The following COBL variants were observed in gnomAD, a reference collection of about 807,000 sequenced individuals.
The protein encoded by COBL is cordon-bleu WH2 repeat protein, also known as protein cordon-bleu.
Under a neutral mutation model 98.8 loss-of-function variants are expected in COBL, and 51 were observed. The observed-to-expected ratio is 0.52, with a 90% CI of 0.41 to 0.65. The LOEUF (loss-of-function observed/expected upper bound fraction) is 0.65, where lower values mean the gene tolerates loss of function less well. Ranked by LOEUF, COBL falls within the 30% of genes least tolerant of loss-of-function variation. The probability of loss-of-function intolerance (pLI) is 0.00; values close to 1 mark genes in which losing one functional copy is unlikely to be tolerated. For missense variants in COBL, 1,617 were observed against 1,617.5 expected (o/e 1.00, Z 0.01); for synonymous variants, 634 against 651.7 (o/e 0.97, Z 0.41).
At chr7:51,172,951 G>A (rs1222269672) in intron 5 of COBL, among the ~76,000 whole-genome samples, 8 of 151,916 alleles carry the variant, frequency 5.3e-5, no homozygotes, top group Non-Finnish European at 1.0e-4. Context: ...ACCACACCCA[G>A]CTAATTTTTG....
intron 7 of COBL, among the ~76,000 whole-genome samples, chr7:51,059,832 T>C (rs889903127): frequency 2.0e-5 from 3 of 152,192 alleles, no homozygotes; most frequent in African/African-American, 7.2e-5. Flanking sequence ...CTAGTCCCAG[T>C]GGGATCTGAA....
At chr7:51,066,719 C>CT (rs367879927) in intron 7 of COBL, among the ~76,000 whole-genome samples, 191 of 152,272 alleles carry the variant, frequency 1.3e-3, no homozygotes, top group Non-Finnish European at 2.1e-3. Context: ...TCTATGAAGA[C>CT]TAAGACCCCC....
intron 1 of COBL, among the ~76,000 whole-genome samples, chr7:51,224,974 G>GCTGTGAGTGTGGGTGGA (rs1794041198): frequency 6.6e-6 from 1 of 152,202 alleles, no homozygotes; most frequent in African/African-American, 2.4e-5. Context: ...ATGTGGGCAG[G>GCTGTGAGTGTGGGTGGA]CTGTGAGTGT....
In COBL at chr7:51,016,645, C is replaced by A; in HGVS notation, c.*906G>T. 2 of 294,992 alleles carry A rather than the reference C, an allele frequency of 6.8e-6. No individual in the cohort carries two copies. The highest frequency in any genetic ancestry group is 4.3e-5 in the African/African-American group (2 of 46,752). The allele number at this position is 294,992 out of a possible 1,614,324, so 18.3% of individuals were successfully genotyped here. Reference sequence around the variant, plus strand: ...GTGATGCTCTCAGCGCAACTTTGATCTGAACTCTTGACAGGTGGGCATCCA... The same window carrying A: ...GTGATGCTCTCAGCGCAACTTTGATATGAACTCTTGACAGGTGGGCATCCA... On this transcript the variant is annotated 3_prime_UTR_variant, in exon 13 of 13. Transcript: ENST00000265136.
chr7:51,047,899 G>T (rs531509054), intron 7 of COBL, among the ~76,000 whole-genome samples: 1 of 152,278 alleles, frequency 6.6e-6, no homozygotes, highest in Admixed American at 6.5e-5. Context: ...AGGTGCAGTG[G>T]CTCACACCTG....
At chr7:51,026,711 A>G in intron 10 of COBL, 46 bp from the exon 11 acceptor site, 1 of 1,597,572 alleles carries the variant, frequency 6.3e-7, no homozygotes. Context: ...ACATGGAGAA[A>G]TGTGAACTGT....
chr7:51,179,779 A>T (rs113725077), intron 5 of COBL, among the ~76,000 whole-genome samples: 2,004 of 152,276 alleles, frequency 0.013, 44 homozygotes, highest in African/African-American at 0.045. Context: ...AAAAGAAAAA[A>T]TCCAGTAATC....
At position 51,075,665 on chromosome 7, in the gene COBL, T is replaced by A. The variant is rs75108791; in HGVS notation, c.1096+9501A>T. 5.6e-3 allele frequency among the ~76,000 whole-genome samples: 853 copies of A among 152,336 alleles called. 4 individuals carry two copies. Among genetic ancestry groups the A allele is most frequent in the Non-Finnish European group, 9.6e-3 (655 of 68,026 alleles). ...ATGAGCTGGCAAAGTGCTGTTCTGTTCCACTGAGTTGTCACTAAGTTCTTT... is the reference window on the plus strand; with the variant it reads ...ATGAGCTGGCAAAGTGCTGTTCTGTACCACTGAGTTGTCACTAAGTTCTTT... On this transcript the variant is annotated intron_variant, in intron 7 of 12. Coordinates refer to ENST00000265136, the MANE Select transcript of COBL (RefSeq NM_015198.5).
chr7:51,127,725 G>A (rs1407406944), intron 6 of COBL, among the ~76,000 whole-genome samples: 2 of 152,202 alleles, frequency 1.3e-5, no homozygotes, highest in Non-Finnish European at 2.9e-5. Flanking sequence ...AAGGCTGGGT[G>A]TGTGAAGGCT....
chr7:51,256,157 T>C (rs1412679935), intron 1 of COBL, among the ~76,000 whole-genome samples: 1 of 152,088 alleles, frequency 6.6e-6, no homozygotes, highest in Non-Finnish European at 1.5e-5. Context: ...GGCAGGAGTG[T>C]TTCCAGGCGG....
At chr7:51,171,463 C>G (rs565697900) in intron 5 of COBL, among the ~76,000 whole-genome samples, 8 of 152,252 alleles carry the variant, frequency 5.3e-5, no homozygotes, top group African/African-American at 1.9e-4. Flanking sequence ...TGGGGGCTTA[C>G]TTCAATAAAA....
At chr7:51,299,963 A>T (rs1473675786) in intron 1 of COBL, among the ~76,000 whole-genome samples, 1 of 152,088 alleles carries the variant, frequency 6.6e-6, no homozygotes, top group Non-Finnish European at 1.5e-5. Context: ...CACTCATCTT[A>T]CTGCAGACCA....
intron 5 of COBL, among the ~76,000 whole-genome samples, chr7:51,154,195 C>T (rs1216951886): frequency 6.6e-6 from 1 of 152,166 alleles, no homozygotes; most frequent in Non-Finnish European, 1.5e-5. Flanking sequence ...TCAAGGGAGT[C>T]AGAGTTCCAT....
At chr7:51,148,100 T>C (rs937021884) in intron 5 of COBL, among the ~76,000 whole-genome samples, 5 of 152,202 alleles carry the variant, frequency 3.3e-5, no homozygotes, top group African/African-American at 1.2e-4. Flanking sequence ...TTAAGAATGT[T>C]AGCACAGGTC....
chr7:51,156,158 A>T (rs1786107997), intron 5 of COBL: 14 of 985,026 alleles, frequency 1.4e-5, no homozygotes, highest in African/African-American at 1.7e-5. Context: ...TATATCACTA[A>T]ATGTTGATTT....
Position 51,030,810 on chromosome 7 carries a change from A to G in COBL, c.1504+2T>C. ...CAGAGTAGCGGATCAGGTGGTTCTTACCTTCCAGGTCTTCATCAAGTTCTG... is the reference window on the plus strand; with the variant it reads ...CAGAGTAGCGGATCAGGTGGTTCTTGCCTTCCAGGTCTTCATCAAGTTCTG... On this transcript the variant is annotated splice_donor_variant, in intron 9 of 12. Transcript: ENST00000265136. LOFTEE classifies it high-confidence loss of function. 2 of 1,596,800 alleles carry G rather than the reference A, an allele frequency of 1.3e-6. No individual in the cohort carries two copies. Among genetic ancestry groups the G allele is most frequent in the Non-Finnish European group, 1.7e-6 (2 of 1,165,000 alleles).
At chr7:51,278,638 C>T in intron 1 of COBL, among the ~76,000 whole-genome samples, 1 of 152,144 alleles carries the variant, frequency 6.6e-6, no homozygotes, top group East Asian at 1.9e-4. Context: ...CCTCAGCCTC[C>T]CAAAGTGCTG....
chr7:51,111,042 G>T (rs1796776225), intron 6 of COBL, among the ~76,000 whole-genome samples: 1 of 152,160 alleles, frequency 6.6e-6, no homozygotes, highest in Admixed American at 6.5e-5. Context: ...TTTTCCTCTG[G>T]GTAGATGCCC....
chr7:51,283,956 T>C (rs1308148782), intron 1 of COBL, among the ~76,000 whole-genome samples: 4 of 151,866 alleles, frequency 2.6e-5, no homozygotes, highest in African/African-American at 9.7e-5. Flanking sequence ...TGAATACAGA[T>C]GCAAAATTCC....
Sources: gnomAD v4.1 joint callset for allele counts (sites outside exome capture counted in the v4.1 genomes callset) on GRCh38, gnomAD v4.1.1 for gene constraint, MANE v1.5 for transcripts, NCBI Gene and HGNC (gene_info 2026-07-23, HGNC 2026-07-21) for gene names.